Variants in PUM1 observed in about 807,000 individuals in gnomAD.
PUM1 encodes the protein pumilio homolog 1.
In PUM1, 13 loss-of-function variants were observed where a neutral mutation model predicts 131.8. That is an observed-to-expected ratio of 0.10 (90% CI 0.06 to 0.16). The LOEUF is 0.16. Among genes scored for constraint, PUM1 ranks in the 10% least tolerant of loss-of-function variants. The probability of loss-of-function intolerance (pLI) is 1.00; values close to 1 mark genes in which losing one functional copy is unlikely to be tolerated. For missense variants in PUM1, 961 were observed against 1,512.4 expected (o/e 0.64, Z 6.05); for synonymous variants, 509 against 556.5 (o/e 0.91, Z 1.20).
At chr1:31,050,648 T>C (rs1055402622) in intron 2 of PUM1, among the ~76,000 whole-genome samples, 7 of 152,184 alleles carry the variant, frequency 4.6e-5, no homozygotes, top group Admixed American at 1.3e-4. Context: ...CAAATGCTAC[T>C]AGCACAAATG....
chr1:31,028,934 A>C, intron 2 of PUM1, 70 bp from the exon 3 acceptor site: 1 of 1,197,736 alleles, frequency 8.3e-7, no homozygotes, highest in Non-Finnish European at 1.2e-6. Flanking sequence ...CATTACACAC[A>C]ATTGAAAATT....
At chr1:30,978,148 G>A (rs757964849) in intron 9 of PUM1, among the ~76,000 whole-genome samples, 24 of 152,078 alleles carry the variant, frequency 1.6e-4, no homozygotes, top group Non-Finnish European at 2.9e-4. Context: ...AGGAGGTTGA[G>A]GTAGGAGAAT....
At chr1:31,057,037 C>T (rs1644256975) in intron 2 of PUM1, among the ~76,000 whole-genome samples, 1 of 152,144 alleles carries the variant, frequency 6.6e-6, no homozygotes, top group Non-Finnish European at 1.5e-5. Context: ...AGGTGATCCA[C>T]CCACCTCGGC....
At chr1:31,022,636 AAATT>A (rs1643070723) in intron 3 of PUM1, among the ~76,000 whole-genome samples, 1 of 152,148 alleles carries the variant, frequency 6.6e-6, no homozygotes, top group Non-Finnish European at 1.5e-5. Context: ...CCCAATCCCA[AAATT>A]ATTATTTTGG....
chr1:31,008,400 A>AG (rs1491268286), intron 3 of PUM1, among the ~76,000 whole-genome samples: 1 of 62,352 alleles, frequency 1.6e-5, no homozygotes, highest in African/African-American at 1.4e-4. Flanking sequence ...AAGATTGAGA[A>AG]AAAAAAAAAA....
chr1:30,988,071 C>T (rs763829162), intron 7 of PUM1, among the ~76,000 whole-genome samples: 1 of 152,006 alleles, frequency 6.6e-6, no homozygotes, highest in African/African-American at 2.4e-5. Flanking sequence ...CTTTGTAATC[C>T]TACTTTATAC....
At chr1:30,967,021 T>A in intron 12 of PUM1, 146 bp downstream of exon 12, 1 of 923,468 alleles carries the variant, frequency 1.1e-6, no homozygotes, top group Non-Finnish European at 1.5e-6. Flanking sequence ...AGGTCACTTA[T>A]TGCTTCTGAT....
At chr1:31,038,984 A>ATATATATATTTTTTTTTTTTTTTT in intron 2 of PUM1, among the ~76,000 whole-genome samples, 5 of 49,418 alleles carry the variant, frequency 1.0e-4, no homozygotes, top group African/African-American at 6.2e-4. Context: ...ATATATATAT[A>ATATATATATTTTTTTTTTTTTTTT]TTTTTTTTTT....
At chr1:31,040,789 A>T (rs1157623566) in intron 2 of PUM1, among the ~76,000 whole-genome samples, 1 of 152,102 alleles carries the variant, frequency 6.6e-6, no homozygotes, top group African/African-American at 2.4e-5. Context: ...ATCTTTAAAA[A>T]AAAAATAACA....
chr1:30,981,359 G>A lies in PUM1; in HGVS notation c.1205C>T (p.Ala402Val), dbSNP rs762158606. Residue 402 changes from alanine (A) to valine (V), a missense_variant, in exon 8 of 22, where the codon GCT (alanine) becomes GTT (valine). Around this residue, in one of 4 missense-constraint regions of PUM1, gnomAD observed 654 missense variants for 923.9 expected, o/e 0.71. Coordinates refer to ENST00000426105, the MANE Select transcript of PUM1 (RefSeq NM_001020658.2). Reference sequence around the variant, plus strand: ...TGCCAGTGCATACTGCTGCTGCTGAGCAGCTGTCAACTGCTGGACAGCAAG... The same window carrying A: ...TGCCAGTGCATACTGCTGCTGCTGAACAGCTGTCAACTGCTGGACAGCAAG... ...NALAVQQLTA[A>V]QQQQYALAAA... is the part of the protein sequence containing the mutation. The A allele has an allele frequency of 6.2e-7, 1 of 1,605,422 alleles. No individual in the cohort carries two copies. Among genetic ancestry groups the A allele is most frequent in the South Asian group, 1.1e-5 (1 of 89,016 alleles).
chr1:31,064,041 A>G (rs1040013142), intron 1 of PUM1, among the ~76,000 whole-genome samples: 8 of 152,334 alleles, frequency 5.3e-5, no homozygotes, highest in Admixed American at 1.3e-4. Context: ...TTAAGCAACT[A>G]GAAGTGCTCA....
Position 30,968,377 on chromosome 1 carries a change from T to C in PUM1, c.1622A>G (p.Gln541Arg). Reference protein sequence around the residue: ...AAVNSALAFGQGLAAGMPGYP... With the variant: ...AAVNSALAFGRGLAAGMPGYP... Reference sequence around the variant, plus strand: ...ACCTGGCATGCCTGCTGCCAGACCTTGTCCAAATGCAAGGGCAGAATTCAC... The same window carrying C: ...ACCTGGCATGCCTGCTGCCAGACCTCGTCCAAATGCAAGGGCAGAATTCAC... Residue 541 changes from glutamine (Q) to arginine (R), a missense_variant, in exon 11 of 22, where the codon CAA (glutamine) becomes CGA (arginine). Physicochemically the swap from Gln to Arg is conservative, Grantham distance 43 (BLOSUM62 1). Coordinates refer to ENST00000426105, the MANE Select transcript of PUM1 (RefSeq NM_001020658.2). 1.3e-6 allele frequency: 2 copies of C among 1,586,306 alleles called. No homozygotes were observed. The highest frequency in any genetic ancestry group is 1.7e-6 in the Non-Finnish European group (2 of 1,165,152).
At chr1:31,008,432 C>A (rs558610892) in intron 3 of PUM1, among the ~76,000 whole-genome samples, 20 of 151,842 alleles carry the variant, frequency 1.3e-4, no homozygotes, top group African/African-American at 3.9e-4. Context: ...TATTTAATTG[C>A]ACAGATACCT....
Position 30,986,721 on chromosome 1 carries a change from G to A in PUM1, c.1159-5316C>T, listed in dbSNP as rs372393718. Among the ~76,000 whole-genome samples, 88 of 152,162 alleles carry A rather than the reference G, an allele frequency of 5.8e-4. 1 individual carries two copies. In the South Asian group the frequency reaches 0.016, roughly 27 times the overall value. ...ACTTCACCATAAGTAAAATTTGAACGAAGTCAAATAACAATAGAAGTTAAG... is the reference window on the plus strand; with the variant it reads ...ACTTCACCATAAGTAAAATTTGAACAAAGTCAAATAACAATAGAAGTTAAG... On this transcript the variant is annotated intron_variant, in intron 7 of 21. Coordinates refer to ENST00000426105, the MANE Select transcript of PUM1 (RefSeq NM_001020658.2).
chr1:30,979,849 G>A (rs905282449), intron 9 of PUM1, among the ~76,000 whole-genome samples: 1 of 152,078 alleles, frequency 6.6e-6, no homozygotes, highest in Non-Finnish European at 1.5e-5. Flanking sequence ...CATATGCAAG[G>A]CGTATGTGAT....
rs572451319 is a variant in PUM1, at chr1:30,936,310, G to A, written c.3435+333C>T. 2.6e-5 allele frequency among the ~76,000 whole-genome samples: 4 copies of A among 152,300 alleles called. No individual in the cohort carries two copies. The South Asian group carries it at 8.3e-4, about 32-fold the overall frequency. Reference sequence around the variant, plus strand: ...GCAGGCCTTTGTTCAATAGATGTTGGTGGGATGAAAGAACAGAAGGGAGGA... The same window carrying A: ...GCAGGCCTTTGTTCAATAGATGTTGATGGGATGAAAGAACAGAAGGGAGGA... On this transcript the variant is annotated intron_variant, in intron 21 of 21. Transcript: ENST00000426105.
At chr1:31,028,894 T>A in intron 2 of PUM1, 30 bp from the exon 3 acceptor site, 1 of 1,572,004 alleles carries the variant, frequency 6.4e-7, no homozygotes, top group Non-Finnish European at 8.8e-7. Context: ...AGGAAAAATC[T>A]TCAAGTCAGC....
chr1:30,975,957 A>C (rs1314569068), intron 9 of PUM1, among the ~76,000 whole-genome samples: 1 of 152,006 alleles, frequency 6.6e-6, no homozygotes, highest in African/African-American at 2.4e-5. Context: ...ACGTGGTGGC[A>C]GATGCCTGTA....
intron 17 of PUM1, among the ~76,000 whole-genome samples, chr1:30,949,479 CCTT>C (rs1182450228): frequency 1.4e-5 from 2 of 147,180 alleles, no homozygotes; most frequent in African/African-American, 5.2e-5. Context: ...CATTTCTGTT[CCTT>C]CTTCCCTGTC....
Sources: gnomAD v4.1 joint callset for allele counts (sites outside exome capture counted in the v4.1 genomes callset) on GRCh38, gnomAD v4.1.1 for gene constraint, gnomAD v4.1.1 regional missense constraint, MANE v1.5 for transcripts, NCBI Gene and HGNC (gene_info 2026-07-23, HGNC 2026-07-21) for gene names.